Variants in TUBA3C observed in about 807,000 individuals in gnomAD.
The protein encoded by TUBA3C is tubulin alpha-3C chain.
A neutral mutation model predicts 33.4 loss-of-function variants in TUBA3C; 23 were observed. The observed-to-expected ratio is 0.69, with a 90% CI of 0.50 to 0.98. The LOEUF is 0.98. Ranked by LOEUF, TUBA3C falls within the 50% of genes least tolerant of loss-of-function variation. The pLI is 0.00. For missense variants in TUBA3C, 402 were observed against 616.0 expected (o/e 0.65, Z 3.68); for synonymous variants, 269 against 250.4 (o/e 1.07, Z -0.70).
Position 19,179,390 on chromosome 13 carries a change from G to C in TUBA3C, c.177C>G (p.Gly59=), listed in dbSNP as rs1869317978. ...CAAACACTGCTCTGGGCACGTGCTTGCCAGCTCCAGTCTCACTGAAGAACG... is the reference window on the plus strand; with the variant it reads ...CAAACACTGCTCTGGGCACGTGCTTCCCAGCTCCAGTCTCACTGAAGAACG... ...FNTFFSETGA[G]KHVPRAVFVD... is the part of the protein sequence containing the mutation. Residue 59 remains glycine (G), a synonymous_variant, in exon 2 of 5, where the codon GGC becomes GGG. Transcript: ENST00000400113. 1.9e-6 allele frequency: 3 copies of C among 1,613,952 alleles called. No individual in the cohort carries two copies. Among genetic ancestry groups the C allele is most frequent in the Non-Finnish European group, 2.5e-6 (3 of 1,179,882 alleles).
rs1422026523 is a variant in TUBA3C, at chr13:19,179,357, C to T, written c.210G>A (p.Leu70=). ...AGCACCTACCGACCACAGTGGGCTC[C>T]AGGTCCACAAACACTGCTCTGGGCA... ...KHVPRAVFVD[L]EPTVVDEVRT... Residue 70 remains leucine, a synonymous_variant, in exon 2 of 5, where the codon CTG becomes CTA. Transcript: ENST00000400113. The T allele has an allele frequency of 1.9e-6, 3 of 1,614,008 alleles. No homozygotes were observed. The highest frequency in any genetic ancestry group is 2.5e-6 in the Non-Finnish European group (3 of 1,179,882).
At position 19,174,164 on chromosome 13, in the gene TUBA3C, C is replaced by G. The variant is rs530194414; in HGVS notation, c.1057-5G>C. The G allele has an allele frequency of 1.3e-4, 205 of 1,608,058 alleles. No homozygotes were observed. Among genetic ancestry groups the G allele is most frequent in the Non-Finnish European group, 1.5e-4 (172 of 1,176,418 alleles). On this transcript the variant is annotated splice_region_variant and splice_polypyrimidine_tract_variant and intron_variant, in intron 4 of 4. Transcript: ENST00000400113. ...GGGCTGGTAGTTAATGCCCACCTGC[C>G]GGAGAAGAGGAAGAAACAGTCCATG...
In TUBA3C at chr13:19,176,976, TTGA is replaced by T. The variant is rs781389844; in HGVS notation, c.1004_1006del (p.Ile335del). On this transcript the variant is annotated inframe_deletion, in exon 4 of 5. Coordinates refer to ENST00000400113, the MANE Select transcript of TUBA3C (RefSeq NM_006001.3). ...TACAAACTGGATGGTGCGCTTGGTC[TTGA>T]TGGTGGCGATGGCCGCGTTGACATC... 6.2e-7 allele frequency: 1 copy of T among 1,614,048 alleles called. No individual in the cohort carries two copies. The highest frequency in any genetic ancestry group is 1.1e-5 in the South Asian group (1 of 91,072).
chr13:19,174,616 A>G (rs1367907929), intron 4 of TUBA3C, among the ~76,000 whole-genome samples: 2 of 152,056 alleles, frequency 1.3e-5, no homozygotes, highest in African/African-American at 4.8e-5. Context: ...GCTTCACAAC[A>G]TCATTCGTTC....
rs768753886 is a variant in TUBA3C, at chr13:19,179,472, G to C, written c.95C>G (p.Pro32Arg). The C allele has an allele frequency of 3.1e-6, 5 of 1,614,084 alleles. 1 individual carries two copies. In the Admixed American group the frequency reaches 8.3e-5, roughly 27 times the overall value. The change falls in exon 2 of 5, where the codon CCC becomes CGC. Residue 32 changes from proline (P) to arginine (R), a missense_variant. By Grantham distance (103) the Pro-to-Arg change is moderately radical. Transcript: ENST00000400113. Reference sequence around the variant, plus strand: ...TTTATCACTTGGCATCTGACCATCGGGCTGAATTCCATGTTCCAGGCAGTA... The same window carrying C: ...TTTATCACTTGGCATCTGACCATCGCGCTGAATTCCATGTTCCAGGCAGTA... Reference protein sequence around the residue: ...ELYCLEHGIQPDGQMPSDKTI... With the variant: ...ELYCLEHGIQRDGQMPSDKTI...
chr13:19,178,518 G>A, intron 2 of TUBA3C, 124 bp from the exon 3 acceptor site: 1 of 1,323,572 alleles, frequency 7.6e-7, no homozygotes, highest in Non-Finnish European at 1.0e-6. Context: ...ACATGTTGTA[G>A]GTCAACAGTG....
rs547266742 is a variant in TUBA3C, at chr13:19,181,777, G to T, written c.-30C>A. ...AGCTCCTCCGCTGCCGCAGCCCAAC[G>T]CTACTACTTGACCTCAACCGCCGCT... On this transcript the variant is annotated 5_prime_UTR_variant, in exon 1 of 5. Coordinates refer to ENST00000400113, the MANE Select transcript of TUBA3C (RefSeq NM_006001.3). The T allele has an allele frequency of 8.7e-5, 140 of 1,600,952 alleles. 1 individual carries two copies. The highest frequency in any genetic ancestry group is 1.6e-4 in the Middle Eastern group (1 of 6,068).
chr13:19,174,773 A>G (rs1389506062), intron 4 of TUBA3C, among the ~76,000 whole-genome samples: 1 of 152,110 alleles, frequency 6.6e-6, no homozygotes, highest in Non-Finnish European at 1.5e-5. Context: ...CAGCCTGGGC[A>G]GTATGGCAAG....
chr13:19,177,845 TG>T lies in TUBA3C; in HGVS notation c.376-239del, dbSNP rs140439759. 1.2e-4 allele frequency among the ~76,000 whole-genome samples: 15 copies of T among 123,136 alleles called. No homozygotes were observed. The highest frequency in any genetic ancestry group is 5.5e-4 in the Admixed American group (6 of 10,870). 80.8% of individuals were successfully genotyped at this position (123,136 alleles called of 152,430 possible). ...TAGGACTCAAGATACTGTTCTAAGT[TG>T]TTTTTTTTTTTTTTTTTTTAGATAG... On this transcript the variant is annotated intron_variant, in intron 3 of 4. Transcript: ENST00000400113. The surrounding 1 kb of genome is among the most constrained non-coding windows in gnomAD (Gnocchi z 5.0).
In TUBA3C at chr13:19,177,429, T is replaced by C. The variant is rs774774297; in HGVS notation, c.554A>G (p.Tyr185Cys). 3.8e-5 allele frequency: 62 copies of C among 1,613,992 alleles called. No individual in the cohort carries two copies. The East Asian group carries it at 1.4e-3, about 36-fold the overall frequency. ...CGTGTGGGTGGTCAGGATGGAGTTGTAGGGCTCCACCACGGCCGTGGAGAC... is the reference window on the plus strand; with the variant it reads ...CGTGTGGGTGGTCAGGATGGAGTTGCAGGGCTCCACCACGGCCGTGGAGAC... Reference protein sequence around the residue: ...PQVSTAVVEPYNSILTTHTTL... With the variant: ...PQVSTAVVEPCNSILTTHTTL... The change falls in exon 4 of 5, where the codon TAC becomes TGC. Residue 185 changes from tyrosine to cysteine, a missense_variant. Tyr to Cys is a radical substitution (Grantham distance 194, BLOSUM62 -2). Transcript: ENST00000400113. The surrounding 1 kb of genome is among the most constrained non-coding windows in gnomAD (Gnocchi z 5.0).
chr13:19,180,055 T>C (rs1251791130), intron 1 of TUBA3C, among the ~76,000 whole-genome samples: 1 of 152,148 alleles, frequency 6.6e-6, no homozygotes, highest in African/African-American at 2.4e-5. Context: ...CCACCCGCCC[T>C]GTGCTCTCCG....
At chr13:19,174,362 G>A (rs2138953023) in intron 4 of TUBA3C, among the ~76,000 whole-genome samples, 1 of 152,028 alleles carries the variant, frequency 6.6e-6, no homozygotes, top group South Asian at 2.1e-4. Flanking sequence ...TCAAACTCCT[G>A]GGCCCAATCG....
Position 19,174,984 on chromosome 13 carries a change from C to T in TUBA3C, c.1057-825G>A, listed in dbSNP as rs529363076. Among the ~76,000 whole-genome samples the T allele has an allele frequency of 1.1e-3, 173 of 152,224 alleles. 1 individual carries two copies. Among genetic ancestry groups the T allele is most frequent in the South Asian group, 3.7e-3 (18 of 4,820 alleles). On this transcript the variant is annotated intron_variant, in intron 4 of 4. Coordinates refer to ENST00000400113, the MANE Select transcript of TUBA3C (RefSeq NM_006001.3). ...AATTAAAAGGCCGGGCACGGTGACCCACACCTGTAATCCCAGCACTTTGGC... is the reference window on the plus strand; with the variant it reads ...AATTAAAAGGCCGGGCACGGTGACCTACACCTGTAATCCCAGCACTTTGGC...
At chr13:19,174,670 T>C (rs887603198) in intron 4 of TUBA3C, among the ~76,000 whole-genome samples, 3 of 151,658 alleles carry the variant, frequency 2.0e-5, no homozygotes, top group African/African-American at 4.8e-5. Context: ...AATGAGTTGT[T>C]TGTGATGAAA....
chr13:19,174,069 C>A lies in TUBA3C; in HGVS notation c.1147G>T (p.Ala383Ser). Residue 383 changes from alanine to serine, a missense_variant, in exon 5 of 5, where the codon GCC becomes TCC. Ala to Ser is a moderately conservative substitution (Grantham distance 99). Coordinates refer to ENST00000400113, the MANE Select transcript of TUBA3C (RefSeq NM_006001.3). The part of the protein sequence containing the change: ...RAVCMLSNTT[A>S]IAEAWARLDH... ...AGGCGAGCCCAGGCCTCCGCGATGG[C>A]CGTGGTGTTGCTCAGCATGCACACA... 1 of 1,613,988 alleles carries A rather than the reference C, an allele frequency of 6.2e-7. No homozygotes were observed. Among genetic ancestry groups the A allele is most frequent in the Non-Finnish European group, 8.5e-7 (1 of 1,180,024 alleles).
At chr13:19,180,970 A>C (rs1290023060) in intron 1 of TUBA3C, among the ~76,000 whole-genome samples, 2 of 151,878 alleles carry the variant, frequency 1.3e-5, no homozygotes, top group African/African-American at 4.8e-5. Context: ...TCAAAAAAAA[A>C]AAAAAAAAGA....
chr13:19,180,687 G>A (rs1014501028), intron 1 of TUBA3C, among the ~76,000 whole-genome samples: 3 of 152,076 alleles, frequency 2.0e-5, no homozygotes, highest in Non-Finnish European at 4.4e-5. Flanking sequence ...AGTAGAGATG[G>A]GGTTTCACCG....
At chr13:19,179,740 G>A (rs1223916275) in intron 1 of TUBA3C, among the ~76,000 whole-genome samples, 177 bp from the exon 2 acceptor site, 1 of 152,094 alleles carries the variant, frequency 6.6e-6, no homozygotes, top group Admixed American at 6.6e-5. Flanking sequence ...AAACTTACTT[G>A]CTCTACACCA....
chr13:19,180,198 C>G (rs912183923), intron 1 of TUBA3C, among the ~76,000 whole-genome samples: 1 of 152,266 alleles, frequency 6.6e-6, no homozygotes, highest in African/African-American at 2.4e-5. Flanking sequence ...CCCCTTGGCC[C>G]CTTCCTGCTC....
Sources: gnomAD v4.1 joint callset for allele counts (sites outside exome capture counted in the v4.1 genomes callset) on GRCh38, gnomAD v4.1.1 for gene constraint, Gnocchi (gnomAD v3.1) non-coding constraint, MANE v1.5 for transcripts, NCBI Gene and HGNC (gene_info 2026-07-23, HGNC 2026-07-21) for gene names.